The following AHNAK2 variants were observed in gnomAD, a reference collection of about 807,000 sequenced individuals.
AHNAK2 encodes the protein AHNAK nucleoprotein 2.
Under a neutral mutation model 30.7 loss-of-function variants are expected in AHNAK2, and 18 were observed. The ratio of observed to expected loss-of-function variants is 0.59; its 90% confidence interval spans 0.41 to 0.87. The LOEUF is 0.87. Among genes scored for constraint, AHNAK2 ranks in the 40% least tolerant of loss-of-function variants. The pLI is 0.00. For synonymous variants in AHNAK2, 3,590 were observed against 3,073.8 expected, an observed-to-expected ratio of 1.17 and a Z score of -5.56; for missense variants, 8,604 against 7,373.0, an observed-to-expected ratio of 1.17 and a Z score of -6.11.
chr14:104,954,088 G>T lies in AHNAK2; in HGVS notation c.1363C>A (p.Leu455Met). The change falls in exon 7 of 7, where the codon CTG becomes ATG. Residue 455 changes from leucine to methionine, a missense_variant. Transcript: ENST00000333244. This position sits in a 1 kb window ranked among gnomAD's most constrained non-coding sequence, Gnocchi z 4.3. ...GCGATCCCGATTTCCAGGCTCTGCA[G>T]TCCCTCGCCTTCACCCTCCCGGCTC... ...GMSREGEGEGLQSLEIGIARL... is the reference protein window; with the variant it reads ...GMSREGEGEGMQSLEIGIARL... 6.2e-7 allele frequency: 1 copy of T among 1,613,098 alleles called. No individual in the cohort carries two copies. The highest frequency in any genetic ancestry group is 8.5e-7 in the Non-Finnish European group (1 of 1,179,842).
chr14:104,942,424 T>A lies in AHNAK2; in HGVS notation c.13027A>T (p.Thr4343Ser). The A allele has an allele frequency of 1.2e-6, 2 of 1,612,566 alleles. No individual in the cohort carries two copies. The highest frequency in any genetic ancestry group is 4.5e-5 in the East Asian group (2 of 44,744). ...GGGGGCTGAATGCTGAGGTGAGTGG[T>A]CTTCAGGTCCCCCTGCATGGAGGGG... is the stretch of plus-strand genomic sequence containing the variant. ...SLPSMQGDLK[T>S]THLSIQPPSA... Residue 4343 changes from threonine to serine, a missense_variant, in exon 7 of 7, where the codon ACC becomes TCC. Coordinates refer to ENST00000333244, the MANE Select transcript of AHNAK2 (RefSeq NM_138420.4).
chr14:104,960,563 C>T (rs1899107345), intron 1 of AHNAK2, among the ~76,000 whole-genome samples: 2 of 152,112 alleles, frequency 1.3e-5, no homozygotes, highest in African/African-American at 4.8e-5. Context: ...CTCATGGATG[C>T]TGAGGCACAA....
chr14:104,974,691 G>A (rs1435063650), intron 1 of AHNAK2, among the ~76,000 whole-genome samples: 3 of 152,222 alleles, frequency 2.0e-5, no homozygotes, highest in Non-Finnish European at 4.4e-5. Context: ...TTCCCGGGGT[G>A]GCTTTGAGAC....
chr14:104,967,262 G>C (rs1388902157), intron 1 of AHNAK2, among the ~76,000 whole-genome samples: 1 of 151,914 alleles, frequency 6.6e-6, no homozygotes, highest in Non-Finnish European at 1.5e-5. Context: ...GTTGGGGGTG[G>C]GGGGCAGCTG....
chr14:104,948,322 C>T lies in AHNAK2; in HGVS notation c.7129G>A (p.Val2377Ile). Residue 2377 changes from valine (V) to isoleucine (I), a missense_variant, in exon 7 of 7, where the codon GTC (valine) becomes ATC (isoleucine). Coordinates refer to ENST00000333244, the MANE Select transcript of AHNAK2 (RefSeq NM_138420.4). ...SVQPPSADLE[V>I]QAGQVDVKLP... ...TTCACATCCACTTGGCCAGCCTGGACCTCCAGGTCAGCGGAAGGGGGCTGA... is the reference window on the plus strand; with the variant it reads ...TTCACATCCACTTGGCCAGCCTGGATCTCCAGGTCAGCGGAAGGGGGCTGA... 1 of 1,612,660 alleles carries T rather than the reference C, an allele frequency of 6.2e-7. No homozygotes were observed. Among genetic ancestry groups the T allele is most frequent in the South Asian group, 1.1e-5 (1 of 91,042 alleles).
At chr14:104,974,042 TA>T (rs1385929460) in intron 1 of AHNAK2, among the ~76,000 whole-genome samples, 1 of 152,202 alleles carries the variant, frequency 6.6e-6, no homozygotes, top group Non-Finnish European at 1.5e-5. Flanking sequence ...TTCTGACTAT[TA>T]AATATTTATC....
In AHNAK2 at chr14:104,954,577, C is replaced by A; in HGVS notation, c.874G>T (p.Asp292Tyr). The change falls in exon 7 of 7, where the codon GAC becomes TAC. Residue 292 changes from aspartate (D) to tyrosine (Y), a missense_variant. Physicochemically the swap from Asp to Tyr is radical, Grantham distance 160 (BLOSUM62 -3). Coordinates refer to ENST00000333244, the MANE Select transcript of AHNAK2 (RefSeq NM_138420.4). This position sits in a 1 kb window ranked among gnomAD's most constrained non-coding sequence, Gnocchi z 4.3. ...SEAYEPRDAH[D>Y]VSPTSTDTEA... is the part of the protein sequence containing the mutation. Reference sequence around the variant, plus strand: ...GTGTCTGTGCTTGTAGGGGACACGTCATGTGCGTCCCTAGGTTCGTAGGCC... The same window carrying A: ...GTGTCTGTGCTTGTAGGGGACACGTAATGTGCGTCCCTAGGTTCGTAGGCC... 6.2e-7 allele frequency: 1 copy of A among 1,609,048 alleles called. No individual in the cohort carries two copies. Among genetic ancestry groups the A allele is most frequent in the Non-Finnish European group, 8.5e-7 (1 of 1,177,668 alleles).
At chr14:104,961,403 A>G (rs1310561877) in intron 1 of AHNAK2, among the ~76,000 whole-genome samples, 1 of 150,978 alleles carries the variant, frequency 6.6e-6, no homozygotes, top group South Asian at 2.1e-4. Context: ...AGTCCCAGCT[A>G]CTCGGGAGGC....
At chr14:104,972,000 G>A (rs1899483599) in intron 1 of AHNAK2, among the ~76,000 whole-genome samples, 1 of 152,238 alleles carries the variant, frequency 6.6e-6, no homozygotes, top group Non-Finnish European at 1.5e-5. Context: ...AGCTGAGAGG[G>A]CTGCCCCCGC....
At chr14:104,959,135 G>A (rs1308320233) in intron 1 of AHNAK2, among the ~76,000 whole-genome samples, 1 of 152,102 alleles carries the variant, frequency 6.6e-6, no homozygotes, top group Non-Finnish European at 1.5e-5. Flanking sequence ...AGAAACTCAA[G>A]GCCAGCCTGA....
rs1282384552 is a variant in AHNAK2 at position 104,940,906 on chromosome 14, G to A, written c.14545C>T (p.Leu4849=). 1.2e-6 allele frequency: 2 copies of A among 1,612,558 alleles called. No individual in the cohort carries two copies. The highest frequency in any genetic ancestry group is 2.2e-5 in the East Asian group (1 of 44,878). The change falls in exon 7 of 7, where the codon CTG becomes TTG. Residue 4849 remains leucine (L), a synonymous_variant. Coordinates refer to ENST00000333244, the MANE Select transcript of AHNAK2 (RefSeq NM_138420.4). This position sits in a 1 kb window ranked among gnomAD's most constrained non-coding sequence, Gnocchi z 4.4. ...TSQAESHSGP[L]NSMIPVSLGQ... The stretch of plus-strand genomic sequence containing the variant: ...AGAGAAACAGGAATCATGGAATTCA[G>A]TGGGCCAGAGTGACTCTCAGCTTGA...
In AHNAK2 at chr14:104,946,692, C is replaced by A; in HGVS notation, c.8759G>T (p.Gly2920Val). Residue 2920 changes from glycine to valine, a missense_variant, in exon 7 of 7, where the codon GGC (glycine) becomes GTC (valine). Coordinates refer to ENST00000333244, the MANE Select transcript of AHNAK2 (RefSeq NM_138420.4). ...DLKGPQIDVK[G>V]PKLDLKGPKA... ...GGGGCCTTTCAGGTCCAGCTTGGGG[C>A]CCTTGACGTCTATCTGGGGGCCCTT... 6.2e-7 allele frequency: 1 copy of A among 1,612,766 alleles called. No individual in the cohort carries two copies. Among genetic ancestry groups the A allele is most frequent in the Non-Finnish European group, 8.5e-7 (1 of 1,179,594 alleles).
At position 104,978,183 on chromosome 14, in the gene AHNAK2, C is replaced by A; in HGVS notation, c.55G>T (p.Val19Leu). The A allele has an allele frequency of 8.2e-7, 1 of 1,213,158 alleles. No homozygotes were observed. Among genetic ancestry groups the A allele is most frequent in the Non-Finnish European group, 1.0e-6 (1 of 975,394 alleles). The allele number at this position is 1,213,158 out of a possible 1,614,324, so 75.1% of individuals were successfully genotyped here. ...LPTWPGTPGS[V>L]SGRQLQPGEP... Reference sequence around the variant, plus strand: ...GGGCTGCAGGCGGGGAGGGGCGCACCGCTGCCGGGGGTTCCGGGCCAGGTG... The same window carrying A: ...GGGCTGCAGGCGGGGAGGGGCGCACAGCTGCCGGGGGTTCCGGGCCAGGTG... Residue 19 changes from valine to leucine, a missense_variant and splice_region_variant, in exon 1 of 7, where the codon GTG becomes TTG. Coordinates refer to ENST00000333244, the MANE Select transcript of AHNAK2 (RefSeq NM_138420.4).
chr14:104,977,842 G>GGGCAGGAGCGA (rs1239849527), intron 1 of AHNAK2, among the ~76,000 whole-genome samples: 1 of 152,326 alleles, frequency 6.6e-6, no homozygotes, highest in East Asian at 1.9e-4. Context: ...CCCAGGAGCG[G>GGGCAGGAGCGA]GGCAGGAGCG....
chr14:104,978,078 G>A (rs1373467910), intron 1 of AHNAK2, 105 bp downstream of exon 1: 2 of 961,914 alleles, frequency 2.1e-6, no homozygotes, highest in African/African-American at 1.7e-5. Flanking sequence ...CGAGTCCCCC[G>A]CCCCCAAGGC....
At chr14:104,969,513 C>T (rs917308400) in intron 1 of AHNAK2, among the ~76,000 whole-genome samples, 2 of 152,240 alleles carry the variant, frequency 1.3e-5, no homozygotes, top group Non-Finnish European at 2.9e-5. Flanking sequence ...TGCCGGCTCC[C>T]TGGTCCCCAG....
At chr14:104,957,724 G>A (rs1221516225) in intron 1 of AHNAK2, 52 bp from the exon 2 acceptor site, 19 of 1,559,346 alleles carry the variant, frequency 1.2e-5, no homozygotes, top group Middle Eastern at 1.8e-4. Context: ...GGAGCAGATC[G>A]GGGCCCGGGG....
At position 104,939,237 on chromosome 14, in the gene AHNAK2, A is replaced by G; in HGVS notation, c.16214T>C (p.Val5405Ala). 3 of 1,613,818 alleles carry G rather than the reference A, an allele frequency of 1.9e-6. No homozygotes were observed. The highest frequency in any genetic ancestry group is 2.5e-6 in the Non-Finnish European group (3 of 1,179,812). The change falls in exon 7 of 7, where the codon GTG becomes GCG. Residue 5405 changes from valine to alanine, a missense_variant. By Grantham distance (64) the Val-to-Ala change is moderately conservative. Coordinates refer to ENST00000333244, the MANE Select transcript of AHNAK2 (RefSeq NM_138420.4). The stretch of plus-strand genomic sequence containing the variant: ...CACTTCCCTCACAGTGGGGATGAAC[A>G]CATCATCCTCTGAGCTGGGGGCAGG... ...SFPAPSSEDD[V>A]FIPTVREVQC...
chr14:104,965,017 T>C (rs1053704384), intron 1 of AHNAK2, among the ~76,000 whole-genome samples: 19 of 152,240 alleles, frequency 1.2e-4, no homozygotes, highest in African/African-American at 4.6e-4. Flanking sequence ...GAATACGGCT[T>C]AACACAAATT....
Sources: gnomAD v4.1 joint callset for allele counts (sites outside exome capture counted in the v4.1 genomes callset) on GRCh38, gnomAD v4.1.1 for gene constraint, Gnocchi (gnomAD v3.1) non-coding constraint, MANE v1.5 for transcripts, NCBI Gene and HGNC (gene_info 2026-07-23, HGNC 2026-07-21) for gene names.